The following HYCC2 variants were observed in gnomAD, a reference collection of about 807,000 sequenced individuals.
HYCC2 encodes the protein hyccin PI4KA lipid kinase complex subunit 2, also known as hyccin 2.
the HYCC2 span, chr2:200,997,399 T>C: frequency 3.0e-6 from 4 of 1,316,210 alleles, no homozygotes; most frequent in Admixed American, 1.7e-5. Context: ...GCTCAATAAA[T>C]ATCTATCAAA....
chr2:201,063,036 C>A, the HYCC2 span: 7 of 1,597,616 alleles, frequency 4.4e-6, no homozygotes, highest in Admixed American at 6.7e-5. Context: ...CTCCTTTCTG[C>A]CCGTGGACGC....
the HYCC2 span, among the ~76,000 whole-genome samples, chr2:201,064,424 T>C: frequency 6.6e-6 from 1 of 152,156 alleles, no homozygotes; most frequent in Non-Finnish European, 1.5e-5. Flanking sequence ...TGAAGCCATC[T>C]TGGTAAATTT....
chr2:201,050,228 T>C, the HYCC2 span, among the ~76,000 whole-genome samples: 2 of 145,742 alleles, frequency 1.4e-5, no homozygotes, highest in Non-Finnish European at 3.0e-5. Flanking sequence ...AAAAAAAAAA[T>C]TCCCCCCAAA....
the HYCC2 span, among the ~76,000 whole-genome samples, chr2:200,999,168 C>T: frequency 6.6e-6 from 1 of 152,152 alleles, no homozygotes; most frequent in Non-Finnish European, 1.5e-5. Flanking sequence ...AATTTGACCA[C>T]TCTAAGAAGA....
At chr2:201,018,109 C>T in the HYCC2 span, among the ~76,000 whole-genome samples, 2 of 151,882 alleles carry the variant, frequency 1.3e-5, no homozygotes, top group African/African-American at 4.8e-5. Context: ...TTTCAGTGTT[C>T]AATTGGCTAA....
At chr2:201,005,162 A>G in the HYCC2 span, among the ~76,000 whole-genome samples, 1 of 152,216 alleles carries the variant, frequency 6.6e-6, no homozygotes, top group Non-Finnish European at 1.5e-5. Context: ...TTGGTCTAAA[A>G]GGCTGGGGGT....
the HYCC2 span, among the ~76,000 whole-genome samples, chr2:201,034,212 A>AT: frequency 6.6e-6 from 1 of 152,214 alleles, no homozygotes; most frequent in Non-Finnish European, 1.5e-5. Context: ...ACAGTAATTT[A>AT]TTAAGTACTT....
the HYCC2 span, among the ~76,000 whole-genome samples, chr2:201,052,465 G>A: frequency 1.7e-4 from 26 of 151,860 alleles, no homozygotes; most frequent in Non-Finnish European, 7.4e-5. Context: ...AAAATTAGCC[G>A]GGCATGGTGG....
At chr2:200,978,512 G>A in the HYCC2 span, 3 of 112,506 alleles carry the variant, frequency 2.7e-5, no homozygotes, top group African/African-American at 1.1e-4. Flanking sequence ...GTCTTGCACT[G>A]TTGCCTAGGC....
the HYCC2 span, chr2:201,071,355 C>T: frequency 6.5e-6 from 1 of 152,684 alleles, no homozygotes; most frequent in Non-Finnish European, 1.5e-5. Flanking sequence ...CACCGCAGCC[C>T]CCACGCCCTA....
the HYCC2 span, among the ~76,000 whole-genome samples, chr2:201,015,726 A>G: frequency 1.8e-4 from 27 of 152,262 alleles, no homozygotes; most frequent in Middle Eastern, 0.01. Flanking sequence ...CTGACACAAA[A>G]TTGTCTTTTC....
At chr2:201,016,994 AT>A in the HYCC2 span, 1 of 1,611,822 alleles carries the variant, frequency 6.2e-7, no homozygotes, top group Non-Finnish European at 8.5e-7. Context: ...AACTTACCAA[AT>A]TGTAAATTCC....
chr2:200,990,919 G>A, the HYCC2 span, among the ~76,000 whole-genome samples: 1 of 150,544 alleles, frequency 6.6e-6, no homozygotes, highest in African/African-American at 2.5e-5. Flanking sequence ...CGTTGGCCAG[G>A]CTGGTCTTGA....
chr2:201,034,119 C>T, the HYCC2 span, among the ~76,000 whole-genome samples: 1 of 152,092 alleles, frequency 6.6e-6, no homozygotes, highest in South Asian at 2.1e-4. Context: ...AAATGAAATA[C>T]CTTTAAATAG....
At chr2:201,045,269 A>C in the HYCC2 span, among the ~76,000 whole-genome samples, 2 of 152,222 alleles carry the variant, frequency 1.3e-5, no homozygotes, top group Non-Finnish European at 2.9e-5. Flanking sequence ...AGTAAATTCA[A>C]TTCTTCAATA....
At chr2:201,068,766 C>T in the HYCC2 span, among the ~76,000 whole-genome samples, 5 of 152,276 alleles carry the variant, frequency 3.3e-5, no homozygotes, top group South Asian at 2.1e-4. Flanking sequence ...GAGCTGTACT[C>T]GGAACAGATG....
the HYCC2 span, among the ~76,000 whole-genome samples, chr2:200,983,125 A>G: frequency 3.3e-5 from 5 of 152,254 alleles, no homozygotes; most frequent in African/African-American, 1.2e-4. Context: ...CTGAGCTTGC[A>G]GTTTACAGAA....
chr2:201,065,621 A>C, the HYCC2 span, among the ~76,000 whole-genome samples: 1 of 152,262 alleles, frequency 6.6e-6, no homozygotes, highest in Non-Finnish European at 1.5e-5. Flanking sequence ...AATCAAAGAA[A>C]GAGTAAGAAG....
the HYCC2 span, among the ~76,000 whole-genome samples, chr2:200,983,858 C>A: frequency 6.6e-6 from 1 of 152,002 alleles, no homozygotes; most frequent in Non-Finnish European, 1.5e-5. Context: ...TTGCTACATG[C>A]AGATCTGATG....
Sources: gnomAD v4.1 joint callset for allele counts (sites outside exome capture counted in the v4.1 genomes callset) on GRCh38, gnomAD v4.1.1 for gene constraint, MANE v1.5 for transcripts, NCBI Gene and HGNC (gene_info 2026-07-23, HGNC 2026-07-21) for gene names.